The following PTPRD variants were observed in gnomAD, a reference collection of about 807,000 sequenced individuals.
PTPRD encodes protein tyrosine phosphatase receptor type D.
A neutral mutation model predicts 214.5 loss-of-function variants in PTPRD; 34 were observed. The observed-to-expected ratio is 0.16, with a 90% CI of 0.12 to 0.21. The LOEUF is 0.21. Ranked by LOEUF, PTPRD falls within the 10% of genes least tolerant of loss-of-function variation. The probability of loss-of-function intolerance (pLI) is 1.00; values close to 1 mark genes in which losing one functional copy is unlikely to be tolerated. For synonymous variants in PTPRD, 1,128 were observed against 845.7 expected (o/e 1.33, Z -5.79); for missense variants, 2,545 against 2,398.7 (o/e 1.06, Z -1.27).
chr9:9,812,748 A>C (rs1183797600), intron 5 of PTPRD, among the ~76,000 whole-genome samples: 1 of 152,166 alleles, frequency 6.6e-6, no homozygotes, highest in Non-Finnish European at 1.5e-5. Context: ...ATCAATAAGG[A>C]AACAGCAGAC....
At chr9:9,855,092 A>G (rs1409597877) in intron 5 of PTPRD, among the ~76,000 whole-genome samples, 1 of 152,226 alleles carries the variant, frequency 6.6e-6, no homozygotes, top group Non-Finnish European at 1.5e-5. Context: ...GTGATTCAAC[A>G]TTGGAGTTGT....
chr9:10,059,671 A>G (rs1210302610), intron 3 of PTPRD, among the ~76,000 whole-genome samples: 1 of 152,068 alleles, frequency 6.6e-6, no homozygotes, highest in Non-Finnish European at 1.5e-5. Context: ...TAGATACAAA[A>G]TTAGATATGA....
chr9:8,709,176 G>T (rs937060416), intron 12 of PTPRD, among the ~76,000 whole-genome samples: 3 of 152,098 alleles, frequency 2.0e-5, no homozygotes, highest in Admixed American at 6.6e-5. Flanking sequence ...CAGATCTACT[G>T]TACAACATGG....
intron 7 of PTPRD, among the ~76,000 whole-genome samples, chr9:9,687,646 A>AT (rs2097189289): frequency 1.3e-5 from 2 of 151,778 alleles, no homozygotes; most frequent in South Asian, 4.1e-4. Flanking sequence ...GAAAAAAAAA[A>AT]GATTATGCAA....
chr9:10,487,256 CT>C (rs1386959886), intron 2 of PTPRD, among the ~76,000 whole-genome samples: 1 of 152,080 alleles, frequency 6.6e-6, no homozygotes, highest in African/African-American at 2.4e-5. Context: ...TTTGACCACT[CT>C]GTTTTTTGAT....
rs1245085394 is a variant in PTPRD at position 9,642,203 on chromosome 9, G to A, written c.-286-67422C>T. 2.1e-5 allele frequency among the ~76,000 whole-genome samples: 3 copies of A among 141,430 alleles called. No individual in the cohort carries two copies. In the Admixed American group the frequency reaches 2.2e-4, roughly 10 times the overall value. The allele number at this position is 141,430 out of a possible 152,430, so 92.8% of individuals were successfully genotyped here. On this transcript the variant is annotated intron_variant, in intron 7 of 45. Coordinates refer to ENST00000381196, the MANE Select transcript of PTPRD (RefSeq NM_002839.4). ...CACCGTATATTCTCACTCATAGGTGGGAATTGAACAATGAGATCACATGGA... is the reference window on the plus strand; with the variant it reads ...CACCGTATATTCTCACTCATAGGTGAGAATTGAACAATGAGATCACATGGA...
intron 5 of PTPRD, among the ~76,000 whole-genome samples, chr9:9,923,212 T>C (rs918018524): frequency 2.0e-5 from 3 of 148,824 alleles, no homozygotes; most frequent in African/African-American, 5.0e-5. Context: ...GGGTAAAAGA[T>C]AGTGAGGTGT....
chr9:8,479,229 G>C (rs557688692), intron 30 of PTPRD, among the ~76,000 whole-genome samples: 1 of 152,110 alleles, frequency 6.6e-6, no homozygotes, highest in Non-Finnish European at 1.5e-5. Context: ...ATCCCTTTAA[G>C]AATTCCAATA....
chr9:10,309,567 G>T (rs2154416242), intron 3 of PTPRD, among the ~76,000 whole-genome samples: 1 of 146,530 alleles, frequency 6.8e-6, no homozygotes, highest in East Asian at 2.0e-4. Flanking sequence ...GTTTCACCAT[G>T]TTGGTCAGGC....
At chr9:8,375,420 T>A (rs1406275674) in intron 39 of PTPRD, among the ~76,000 whole-genome samples, 4 of 152,098 alleles carry the variant, frequency 2.6e-5, no homozygotes, top group South Asian at 2.1e-4. Flanking sequence ...AATACATTTT[T>A]AAAAATCAAA....
intron 3 of PTPRD, among the ~76,000 whole-genome samples, chr9:10,199,194 A>T (rs191612328): frequency 2.0e-5 from 3 of 152,034 alleles, no homozygotes; most frequent in East Asian, 1.9e-4. Flanking sequence ...TATAATGTAT[A>T]TTTCCTCGTA....
Position 9,450,748 on chromosome 9 carries a change from T to TGG in PTPRD, c.-236-53268_-236-53267dup, listed in dbSNP as rs74997318. Reference sequence around the variant, plus strand: ...AAATATGTATTAATTGTACATATTATGGGGGGGGGTGTGTGTGTCCCTGTA... The same window carrying TGG: ...AAATATGTATTAATTGTACATATTATGGGGGGGGGGGTGTGTGTGTCCCTGTA... On this transcript the variant is annotated intron_variant, in intron 8 of 45. Transcript: ENST00000381196. Among the ~76,000 whole-genome samples, 566 of 144,120 alleles carry TGG rather than the reference T, an allele frequency of 3.9e-3. 5 individuals are homozygous for TGG. The highest frequency in any genetic ancestry group is 0.012 in the African/African-American group (491 of 40,340). The allele number at this position is 144,120 out of a possible 152,430, so 94.5% of individuals were successfully genotyped here.
At chr9:9,754,835 A>C (rs1025428480) in intron 6 of PTPRD, among the ~76,000 whole-genome samples, 2 of 152,044 alleles carry the variant, frequency 1.3e-5, no homozygotes, top group Non-Finnish European at 2.9e-5. Flanking sequence ...GTTCTACCTG[A>C]ATCACCAAAC....
intron 9 of PTPRD, among the ~76,000 whole-genome samples, chr9:9,348,167 T>C (rs1308535005): frequency 6.6e-6 from 1 of 152,150 alleles, no homozygotes; most frequent in African/African-American, 2.4e-5. Context: ...TTTGGTATCT[T>C]TAGAAAAGAA....
chr9:9,393,142 C>T (rs1379611777), intron 9 of PTPRD, among the ~76,000 whole-genome samples: 1 of 152,134 alleles, frequency 6.6e-6, no homozygotes, highest in Non-Finnish European at 1.5e-5. Flanking sequence ...TCTTTCCTGG[C>T]CATGTGACAA....
At chr9:8,752,456 T>A (rs1467685317) in intron 11 of PTPRD, among the ~76,000 whole-genome samples, 1 of 152,190 alleles carries the variant, frequency 6.6e-6, no homozygotes, top group Non-Finnish European at 1.5e-5. Flanking sequence ...ACCATAAAAA[T>A]GGGCAACCAG....
intron 12 of PTPRD, among the ~76,000 whole-genome samples, chr9:8,732,405 T>A (rs994690185): frequency 6.6e-6 from 1 of 152,238 alleles, no homozygotes. Context: ...AACTTACTTT[T>A]GCACTCTAGC....
intron 9 of PTPRD, among the ~76,000 whole-genome samples, chr9:9,295,196 T>C (rs1555189223): frequency 6.6e-6 from 1 of 151,646 alleles, no homozygotes; most frequent in Non-Finnish European, 1.5e-5. Flanking sequence ...TTTAAACAAA[T>C]AAAGTAAAAG....
At chr9:8,379,606 T>C (rs2084330936) in intron 37 of PTPRD, among the ~76,000 whole-genome samples, 1 of 152,164 alleles carries the variant, frequency 6.6e-6, no homozygotes, top group Non-Finnish European at 1.5e-5. Context: ...TCTCTTAAAA[T>C]GTTTTCCTTT....
Sources: gnomAD v4.1 joint callset for allele counts (sites outside exome capture counted in the v4.1 genomes callset) on GRCh38, gnomAD v4.1.1 for gene constraint, MANE v1.5 for transcripts, NCBI Gene and HGNC (gene_info 2026-07-23, HGNC 2026-07-21) for gene names.